The following CFAP97 variants were observed in gnomAD, a reference collection of about 807,000 sequenced individuals.
CFAP97 encodes cilia and flagella associated protein 97.
CFAP97 carries 36 observed loss-of-function variants against 43.1 expected under a neutral mutation model. The observed-to-expected ratio is 0.84, with a 90% CI of 0.64 to 1.10. CFAP97 has a LOEUF of 1.10. CFAP97 is among the 50% of genes least tolerant of loss of function. CFAP97 has a pLI of 0.00. For missense variants in CFAP97, 657 were observed against 620.3 expected (o/e 1.06, Z -0.63); for synonymous variants, 228 against 225.7 (o/e 1.01, Z -0.09).
At chr4:185,209,897 G>T (rs1737465961), upstream of CFAP97, 3 of 983,360 alleles carry the variant, frequency 3.1e-6, no homozygotes, top group South Asian at 9.4e-5. This position sits in a 1 kb window ranked among gnomAD's most constrained non-coding sequence, Gnocchi z 5.2. Context: ...GCCGGCGGCC[G>T]TCCTGTCTCG....
Position 185,175,973 on chromosome 4 carries a change from G to C in CFAP97, c.1133C>G (p.Ser378Cys). The C allele has an allele frequency of 1.2e-6, 2 of 1,613,712 alleles. No homozygotes were observed. The highest frequency in any genetic ancestry group is 1.7e-6 in the Non-Finnish European group (2 of 1,179,848). ...QPSVAPGKNY[S>C]FTREEVRQID... ...CTGTCTCACCTCTTCTCTTGTGAAA[G>C]AGTAGTTTTTCCCGGGTGCTACTGA... is the stretch of plus-strand genomic sequence containing the variant. The change falls in exon 3 of 5, where the codon TCT (serine) becomes TGT (cysteine). Residue 378 changes from serine to cysteine, a missense_variant. By Grantham distance (112) the Ser-to-Cys change is moderately radical. Coordinates refer to ENST00000458385, the MANE Select transcript of CFAP97 (RefSeq NM_020827.3).
At chr4:185,180,333 C>T (rs1285502800) in intron 2 of CFAP97, among the ~76,000 whole-genome samples, 1 of 152,088 alleles carries the variant, frequency 6.6e-6, no homozygotes, top group Non-Finnish European at 1.5e-5. Context: ...GTACCGAATA[C>T]ATTCATATTG....
intron 1 of CFAP97, among the ~76,000 whole-genome samples, chr4:185,199,428 G>A (rs377758975): frequency 9.2e-5 from 14 of 152,126 alleles, no homozygotes; most frequent in Admixed American, 2.6e-4. Flanking sequence ...AAGCACTTTC[G>A]GAGGCCAAGG....
chr4:185,182,952 T>C (rs1346459968), intron 2 of CFAP97, among the ~76,000 whole-genome samples: 1 of 149,714 alleles, frequency 6.7e-6, no homozygotes, highest in Non-Finnish European at 1.5e-5. Context: ...ATACAAAAAT[T>C]AGCTGGGCGT....
upstream of CFAP97, chr4:185,209,745 G>A: frequency 1.0e-6 from 1 of 984,020 alleles, no homozygotes; most frequent in Non-Finnish European, 1.2e-6. The surrounding 1 kb of genome is among the most constrained non-coding windows in gnomAD (Gnocchi z 5.2). Context: ...AGGCATGAGC[G>A]CGGGCTCCCC....
chr4:185,185,633 C>CTTTT (rs376786641), intron 2 of CFAP97, among the ~76,000 whole-genome samples: 27 of 105,986 alleles, frequency 2.5e-4, no homozygotes, highest in Non-Finnish European at 3.5e-4. Flanking sequence ...ATTTGCCAAC[C>CTTTT]TTTTTTTTTT....
At chr4:185,203,869 G>A (rs3112881) in intron 1 of CFAP97, 29 bp downstream of exon 1, 69,818 of 151,542 alleles carry the variant, frequency 0.46, 16,639 homozygotes, top group East Asian at 0.58. Context: ...CGCGAGCAGG[G>A]AGCCAGGAGC....
chr4:185,209,885 G>T, upstream of CFAP97: 1 of 983,304 alleles, frequency 1.0e-6, no homozygotes, highest in Non-Finnish European at 1.2e-6. The surrounding 1 kb of genome is among the most constrained non-coding windows in gnomAD (Gnocchi z 5.2). Flanking sequence ...CGGGCCGCAG[G>T]CGCCGGCGGC....
At chr4:185,207,821 C>T (rs1223679581), upstream of CFAP97, 1 of 152,072 alleles carries the variant, frequency 6.6e-6, no homozygotes, top group East Asian at 1.9e-4. Context: ...TATGTTTGGT[C>T]CTTAGAATAG....
chr4:185,204,769 T>C (rs1299340815), upstream of CFAP97, among the ~76,000 whole-genome samples: 2 of 152,158 alleles, frequency 1.3e-5, no homozygotes, highest in African/African-American at 4.8e-5. Context: ...GCACAGAAGC[T>C]AGAGGTTGGA....
intron 2 of CFAP97, among the ~76,000 whole-genome samples, chr4:185,189,039 G>A (rs755387435): frequency 1.1e-4 from 16 of 152,198 alleles, no homozygotes; most frequent in South Asian, 2.1e-4. Context: ...GGAGTTCGAC[G>A]CAGCCCGCGC....
rs150390539 is a variant in CFAP97 at position 185,172,630 on chromosome 4, T to A, written c.1320+3156A>T. On this transcript the variant is annotated intron_variant, in intron 3 of 4. Coordinates refer to ENST00000458385, the MANE Select transcript of CFAP97 (RefSeq NM_020827.3). The stretch of plus-strand genomic sequence containing the variant: ...GGAATGAATTCTGTTTTGCAGTATA[T>A]CTGACACTGAAATAACTACAAAAGT... 7.2e-5 allele frequency among the ~76,000 whole-genome samples: 11 copies of A among 152,276 alleles called. 1 individual carries two copies. The highest frequency in any genetic ancestry group is 2.6e-4 in the African/African-American group (11 of 41,562).
chr4:185,166,758 A>G (rs150268341), intron 3 of CFAP97, among the ~76,000 whole-genome samples: 147 of 152,322 alleles, frequency 9.7e-4, no homozygotes, highest in African/African-American at 3.5e-3. Context: ...TGTCCATCTG[A>G]GTGTTACATG....
upstream of CFAP97, chr4:185,204,233 ACTG>A (rs1439103097): frequency 2.6e-5 from 4 of 152,198 alleles, no homozygotes; most frequent in Non-Finnish European, 4.4e-5. Flanking sequence ...TAGAGGCGTT[ACTG>A]CTGCTCCCGG....
At chr4:185,170,273 G>C (rs1579232168) in intron 3 of CFAP97, 2 of 658,588 alleles carry the variant, frequency 3.0e-6, no homozygotes, top group Non-Finnish European at 5.5e-6. Flanking sequence ...TTGAACCCAG[G>C]AGATGGAGGC....
In CFAP97 at chr4:185,190,662, A is replaced by G; in HGVS notation, c.535T>C (p.Ser179Pro). The change falls in exon 2 of 5, where the codon TCC becomes CCC. Residue 179 changes from serine to proline, a missense_variant. Ser to Pro is a moderately conservative substitution (Grantham distance 74). Transcript: ENST00000458385. ...TCTGTACCTGAACCTGAAGATGAGG[A>G]AGATAAAGAGGAGGAGGAAGAGGAG... ...VSSSSSSSLS[S>P]SSSGSGTDCL... 6 of 1,580,828 alleles carry G rather than the reference A, an allele frequency of 3.8e-6. No individual in the cohort carries two copies. The highest frequency in any genetic ancestry group is 5.2e-6 in the Non-Finnish European group (6 of 1,162,132).
At chr4:185,170,027 T>G in intron 3 of CFAP97, 1 of 1,151,150 alleles carries the variant, frequency 8.7e-7, no homozygotes, top group Non-Finnish European at 1.1e-6. Flanking sequence ...CAATCTCCCT[T>G]TAATTATTCC....
intron 1 of CFAP97, among the ~76,000 whole-genome samples, chr4:185,203,072 C>T (rs1218111641): frequency 6.6e-6 from 1 of 152,194 alleles, no homozygotes; most frequent in African/African-American, 2.4e-5. Flanking sequence ...GCATGGCTCA[C>T]GCCTGTAATC....
chr4:185,190,841 C>G lies in CFAP97; in HGVS notation c.356G>C (p.Arg119Thr), dbSNP rs753378732. Reference protein sequence around the residue: ...GLKIHVSIPNRIPKIVKEGED... With the variant: ...GLKIHVSIPNTIPKIVKEGED... ...ACCTTCTTTTACAATTTTGGGAATT[C>G]TATTTGGAATGGACACGTGTATTTT... Residue 119 changes from arginine (R) to threonine (T), a missense_variant, in exon 2 of 5, where the codon AGA (arginine) becomes ACA (threonine). Physicochemically the swap from Arg to Thr is moderately conservative, Grantham distance 71. Transcript: ENST00000458385. The G allele has an allele frequency of 5.6e-6, 9 of 1,610,222 alleles. No individual in the cohort carries two copies. The South Asian group carries it at 7.7e-5, about 14-fold the overall frequency.
Sources: gnomAD v4.1 joint callset for allele counts (sites outside exome capture counted in the v4.1 genomes callset) on GRCh38, gnomAD v4.1.1 for gene constraint, Gnocchi (gnomAD v3.1) non-coding constraint, MANE v1.5 for transcripts, NCBI Gene and HGNC (gene_info 2026-07-23, HGNC 2026-07-21) for gene names.